Variants in METTL8 observed in about 807,000 individuals in gnomAD.
METTL8 encodes tRNA N(3)-cytidine methyltransferase METTL8, mitochondrial.
Under a neutral mutation model 48.7 loss-of-function variants are expected in METTL8, and 32 were observed. The observed-to-expected ratio is 0.66, with a 90% CI of 0.50 to 0.88. The LOEUF (loss-of-function observed/expected upper bound fraction) is 0.88. METTL8 is among the 40% of genes least tolerant of loss of function. The probability of loss-of-function intolerance (pLI) is 0.00; values close to 1 mark genes in which losing one functional copy is unlikely to be tolerated. For missense variants in METTL8, 464 were observed against 474.4 expected (o/e 0.98, Z 0.20); for synonymous variants, 136 against 157.1 (o/e 0.87, Z 1.01).
At chr2:171,395,548 A>G (rs965479295) in intron 1 of METTL8, among the ~76,000 whole-genome samples, 2 of 152,252 alleles carry the variant, frequency 1.3e-5, no homozygotes, top group Non-Finnish European at 2.9e-5. Context: ...GTGGGGCTAT[A>G]TTAATAGACA....
At chr2:171,350,142 G>A (rs1208816510) in intron 3 of METTL8, among the ~76,000 whole-genome samples, 1 of 152,122 alleles carries the variant, frequency 6.6e-6, no homozygotes, top group Admixed American at 6.5e-5. Context: ...GCCCCAGTGT[G>A]TGATGTTCCC....
chr2:171,329,130 C>A (rs189060439), intron 7 of METTL8, among the ~76,000 whole-genome samples: 1 of 151,904 alleles, frequency 6.6e-6, no homozygotes, highest in Non-Finnish European at 1.5e-5. Context: ...GGATTATAGG[C>A]GCCCACCACC....
intron 3 of METTL8, among the ~76,000 whole-genome samples, chr2:171,351,630 T>G (rs1403822190): frequency 6.6e-6 from 1 of 152,240 alleles, no homozygotes; most frequent in Admixed American, 6.5e-5. Flanking sequence ...GTGTCCTCTT[T>G]TATTTTGTTG....
intron 1 of METTL8, among the ~76,000 whole-genome samples, chr2:171,397,629 CA>C (rs1689241456): frequency 6.8e-6 from 1 of 146,408 alleles, no homozygotes; most frequent in East Asian, 2.0e-4. Flanking sequence ...AAATCAAAGT[CA>C]AAAGTTAGTT....
intron 2 of METTL8, 149 bp from the exon 3 acceptor site, chr2:171,360,662 T>C (rs1288345315): frequency 1.5e-6 from 1 of 662,082 alleles, no homozygotes; most frequent in Non-Finnish European, 2.5e-6. Flanking sequence ...TTGTGTAAGA[T>C]GTTCCTACTG....
chr2:171,357,171 C>T (rs1684675214), intron 3 of METTL8, among the ~76,000 whole-genome samples: 1 of 151,860 alleles, frequency 6.6e-6, no homozygotes, highest in Admixed American at 6.6e-5. Context: ...GTTGGCCAGG[C>T]TGGTCTCGAA....
At chr2:171,408,318 G>A (rs1690402023) in intron 1 of METTL8, among the ~76,000 whole-genome samples, 1 of 147,970 alleles carries the variant, frequency 6.8e-6, no homozygotes, top group Non-Finnish European at 1.5e-5. Flanking sequence ...TTTTGAGATG[G>A]AGTTTCACTC....
At chr2:171,399,043 C>G (rs1339222463) in intron 1 of METTL8, among the ~76,000 whole-genome samples, 1 of 152,090 alleles carries the variant, frequency 6.6e-6, no homozygotes, top group Non-Finnish European at 1.5e-5. Flanking sequence ...AATGTCACAT[C>G]AAAGGTATAT....
chr2:171,382,098 T>C (rs1687611259), intron 2 of METTL8, among the ~76,000 whole-genome samples: 1 of 152,238 alleles, frequency 6.6e-6, no homozygotes, highest in South Asian at 2.1e-4. Flanking sequence ...GCTTTTACAC[T>C]GTTGGTGGGC....
chr2:171,320,601 C>G lies in METTL8; in HGVS notation c.*3571G>C, dbSNP rs1367361069. 6.6e-6 allele frequency: 1 copy of G among 152,238 alleles called. No homozygotes were observed. Among genetic ancestry groups the G allele is most frequent in the Non-Finnish European group, 1.5e-5 (1 of 68,044 alleles). 9.4% of individuals were successfully genotyped at this position (152,238 alleles called of 1,614,324 possible). On this transcript the variant is annotated 3_prime_UTR_variant, in exon 10 of 10. Transcript: ENST00000375258. The stretch of plus-strand genomic sequence containing the variant: ...GGTTCCCATAGCAACATTAACTTAT[C>G]TAAACTGCCCTTGCTGTATGTAATA...
intron 1 of METTL8, 127 bp downstream of exon 1, chr2:171,433,756 T>G (rs1693444020): frequency 6.6e-6 from 1 of 151,956 alleles, no homozygotes; most frequent in South Asian, 2.1e-4. Context: ...CGGGAAAGAG[T>G]AACTCAATCC....
chr2:171,364,886 A>G (rs1573991779), intron 2 of METTL8, among the ~76,000 whole-genome samples: 2 of 152,376 alleles, frequency 1.3e-5, no homozygotes, highest in East Asian at 3.9e-4. Context: ...ATTTTGTTCT[A>G]TAAGTCAATG....
chr2:171,351,449 C>CT (rs1039724789), intron 3 of METTL8, among the ~76,000 whole-genome samples: 9 of 152,266 alleles, frequency 5.9e-5, no homozygotes, highest in Non-Finnish European at 1.0e-4. Flanking sequence ...AATGTGGGCT[C>CT]TTTTTTGTTT....
chr2:171,376,229 T>C (rs1686948514), intron 2 of METTL8, among the ~76,000 whole-genome samples: 1 of 152,164 alleles, frequency 6.6e-6, no homozygotes, highest in Admixed American at 6.5e-5. Context: ...ATGCTACCAC[T>C]TGTGTAAAAC....
chr2:171,397,377 A>AAAAAC (rs1559172294), intron 1 of METTL8, among the ~76,000 whole-genome samples: 2 of 144,258 alleles, frequency 1.4e-5, no homozygotes, highest in Non-Finnish European at 3.0e-5. Flanking sequence ...AAAAAAAAAA[A>AAAAAC]AACAACATCA....
upstream of METTL8, chr2:171,434,639 T>G: frequency 6.5e-7 from 1 of 1,534,326 alleles, no homozygotes; most frequent in South Asian, 1.2e-5. Context: ...CTGGGCTGCT[T>G]CTCGCGCGAC....
rs867586471 is a variant in METTL8, at chr2:171,339,617, G to A, written c.236-63C>T. 5.9e-5 allele frequency: 52 copies of A among 874,460 alleles called. No individual in the cohort carries two copies. In the Middle Eastern group the frequency reaches 2.1e-3, roughly 35 times the overall value. 54.2% of individuals were successfully genotyped at this position (874,460 alleles called of 1,614,324 possible). On this transcript the variant is annotated intron_variant, in intron 3 of 9. Coordinates refer to ENST00000375258, the MANE Select transcript of METTL8 (RefSeq NM_001321154.2). ...CGAATTATATTTACTATTAGCTACT[G>A]TCTTGATAATTGTTAAACATATACA...
At chr2:171,336,100 G>C (rs916393760) in intron 5 of METTL8, among the ~76,000 whole-genome samples, 1 of 151,192 alleles carries the variant, frequency 6.6e-6, no homozygotes, top group Non-Finnish European at 1.5e-5. Context: ...GTCAAACTCT[G>C]CTTTTTTTTT....
At chr2:171,357,614 A>G (rs1252291871) in intron 3 of METTL8, among the ~76,000 whole-genome samples, 1 of 152,208 alleles carries the variant, frequency 6.6e-6, no homozygotes. Flanking sequence ...ACCCAAAGCA[A>G]TTTATAGATT....
Sources: gnomAD v4.1 joint callset for allele counts (sites outside exome capture counted in the v4.1 genomes callset) on GRCh38, gnomAD v4.1.1 for gene constraint, MANE v1.5 for transcripts, NCBI Gene and HGNC (gene_info 2026-07-23, HGNC 2026-07-21) for gene names.